Variants in CSMD1 observed in about 807,000 individuals in gnomAD.
The protein encoded by CSMD1 is CUB and Sushi multiple domains 1.
CSMD1 carries 213 observed loss-of-function variants against 417.5 expected under a neutral mutation model. That is an observed-to-expected ratio of 0.51 (90% CI 0.46 to 0.57). CSMD1 has a LOEUF of 0.57. Ranked by LOEUF, CSMD1 falls within the 20% of genes least tolerant of loss-of-function variation. The pLI is 0.00. For missense variants in CSMD1, 6,923 were observed against 4,529.7 expected (o/e 1.53, Z -15.17); for synonymous variants, 2,862 against 1,736.8 (o/e 1.65, Z -16.11).
At chr8:3,002,339 G>A (rs1185109926) in intron 52 of CSMD1, among the ~76,000 whole-genome samples, 1 of 152,226 alleles carries the variant, frequency 6.6e-6, no homozygotes, top group African/African-American at 2.4e-5. Flanking sequence ...TGGGGGAGAT[G>A]GAGCCATCGT....
intron 1 of CSMD1, among the ~76,000 whole-genome samples, chr8:4,810,250 A>G (rs1798818087): frequency 6.6e-6 from 1 of 152,220 alleles, no homozygotes; most frequent in Non-Finnish European, 1.5e-5. Flanking sequence ...TTTTTCATTT[A>G]TGTGAAATGA....
At chr8:3,677,434 C>T (rs56109610) in intron 7 of CSMD1, among the ~76,000 whole-genome samples, 19,590 of 152,198 alleles carry the variant, frequency 0.13, 1,417 homozygotes, top group South Asian at 0.2. Flanking sequence ...CCTGATCCCA[C>T]AGTACAGGTT....
At chr8:3,627,878 C>T (rs2469311) in intron 7 of CSMD1, among the ~76,000 whole-genome samples, 1,784 of 152,244 alleles carry the variant, frequency 0.012, 26 homozygotes, top group African/African-American at 0.036. Context: ...TCACTGTTTT[C>T]ACTTTTGACC....
At chr8:3,165,528 T>A (rs1223662875) in intron 37 of CSMD1, among the ~76,000 whole-genome samples, 1 of 151,810 alleles carries the variant, frequency 6.6e-6, no homozygotes, top group Non-Finnish European at 1.5e-5. Flanking sequence ...ACCTCCCGGG[T>A]TCATGCCATT....
intron 10 of CSMD1, among the ~76,000 whole-genome samples, chr8:3,565,131 CAAAAAAAAAAAA>C (rs869248314): frequency 1.4e-3 from 15 of 10,448 alleles, no homozygotes; most frequent in South Asian, 7.2e-3. Context: ...TGCAAGACAG[CAAAAAAAAAAAA>C]AAAAAAAAAA....
At chr8:3,338,877 C>T (rs1056088072) in intron 23 of CSMD1, among the ~76,000 whole-genome samples, 1 of 149,878 alleles carries the variant, frequency 6.7e-6, no homozygotes, top group Non-Finnish European at 1.5e-5. Flanking sequence ...GGTACATGTG[C>T]ACATTGTGCA....
At chr8:3,831,624 A>C (rs1262857620) in intron 5 of CSMD1, among the ~76,000 whole-genome samples, 1 of 152,146 alleles carries the variant, frequency 6.6e-6, no homozygotes, top group African/African-American at 2.4e-5. Flanking sequence ...TCATTGCACT[A>C]CTTATGGGTT....
chr8:3,577,317 T>C (rs13254503), intron 9 of CSMD1, among the ~76,000 whole-genome samples: 66,785 of 152,058 alleles, frequency 0.44, 14,979 homozygotes, highest in Middle Eastern at 0.52. Context: ...TTCAGGCCTA[T>C]GAAGTACCAA....
chr8:4,323,405 G>T (rs943193980), intron 3 of CSMD1, among the ~76,000 whole-genome samples: 3 of 152,240 alleles, frequency 2.0e-5, no homozygotes, highest in South Asian at 2.1e-4. Context: ...TCACAGCCTT[G>T]TTCCATGTCT....
intron 26 of CSMD1, among the ~76,000 whole-genome samples, chr8:3,236,488 G>C (rs1021768114): frequency 6.6e-6 from 1 of 152,160 alleles, no homozygotes. Context: ...TACATCGGTT[G>C]GGTCTTTGAA....
At chr8:3,760,697 A>G (rs991535023) in intron 5 of CSMD1, among the ~76,000 whole-genome samples, 4 of 152,198 alleles carry the variant, frequency 2.6e-5, no homozygotes, top group Admixed American at 1.3e-4. Context: ...GGTTTTGGAT[A>G]TCGCTTTGTT....
At chr8:4,196,319 A>G (rs1405390277) in intron 3 of CSMD1, among the ~76,000 whole-genome samples, 1 of 152,192 alleles carries the variant, frequency 6.6e-6, no homozygotes, top group Non-Finnish European at 1.5e-5. Flanking sequence ...GCTGCCGTAC[A>G]TTACTACAAA....
At chr8:4,938,608 A>T (rs1807777541) in intron 1 of CSMD1, among the ~76,000 whole-genome samples, 1 of 152,144 alleles carries the variant, frequency 6.6e-6, no homozygotes, top group Admixed American at 6.5e-5. Flanking sequence ...TTGCATAAAC[A>T]TTTATACAAG....
At chr8:3,564,535 G>GTGTGTGTGTC (rs1563158217) in intron 10 of CSMD1, among the ~76,000 whole-genome samples, 2 of 151,642 alleles carry the variant, frequency 1.3e-5, no homozygotes, top group African/African-American at 4.9e-5. Context: ...GTGTGTGTGT[G>GTGTGTGTGTC]TGTGTGTGTG....
chr8:4,674,007 C>A (rs1006005650), intron 1 of CSMD1, among the ~76,000 whole-genome samples: 7 of 152,130 alleles, frequency 4.6e-5, no homozygotes, highest in Non-Finnish European at 5.9e-5. Context: ...TATACAGAGG[C>A]AAATCTTACG....
At chr8:3,382,325 T>C (rs922008312) in intron 18 of CSMD1, among the ~76,000 whole-genome samples, 1 of 146,816 alleles carries the variant, frequency 6.8e-6, no homozygotes, top group Non-Finnish European at 1.5e-5. Context: ...GGGTTATTTA[T>C]ATATATATAT....
intron 30 of CSMD1, among the ~76,000 whole-genome samples, chr8:3,206,897 C>T (rs1797324757): frequency 1.3e-5 from 2 of 152,026 alleles, no homozygotes; most frequent in Admixed American, 1.3e-4. Flanking sequence ...TACTCTATTT[C>T]ATTATATTTC....
At chr8:4,181,524 A>G (rs913064507) in intron 3 of CSMD1, among the ~76,000 whole-genome samples, 4 of 152,148 alleles carry the variant, frequency 2.6e-5, no homozygotes, top group South Asian at 4.1e-4. Context: ...AAACCTTACA[A>G]TATTTTAAGA....
intron 3 of CSMD1, among the ~76,000 whole-genome samples, chr8:4,210,696 G>C (rs182194999): frequency 6.6e-6 from 1 of 151,948 alleles, no homozygotes; most frequent in African/African-American, 2.4e-5. Context: ...ACTTCATTTT[G>C]CTCATTTAAT....
Sources: allele counts gnomAD v4.1 joint callset (sites outside exome capture counted in the v4.1 genomes callset), GRCh38; gene constraint gnomAD v4.1.1; transcripts MANE v1.5; gene names NCBI Gene and HGNC (gene_info 2026-07-23, HGNC 2026-07-21).